Variants in FMN2 observed in about 807,000 individuals in gnomAD.
FMN2 encodes formin 2.
FMN2 carries 51 observed loss-of-function variants against 142.3 expected under a neutral mutation model. The observed-to-expected ratio is 0.36, with a 90% CI of 0.29 to 0.45. FMN2 has a LOEUF of 0.45. Ranked by LOEUF, FMN2 falls within the 20% of genes least tolerant of loss-of-function variation. The pLI is 1.00. For synonymous variants in FMN2, 882 were observed against 869.8 expected (o/e 1.01, Z -0.25); for missense variants, 1,936 against 2,122.8 (o/e 0.91, Z 1.73).
intron 14 of FMN2, among the ~76,000 whole-genome samples, chr1:240,360,812 T>G (rs9725329): frequency 0.26 from 39,904 of 151,942 alleles, 5,684 homozygotes; most frequent in Admixed American, 0.42. Flanking sequence ...TGAGTTCATG[T>G]TCTTCGTAGG....
intron 1 of FMN2, among the ~76,000 whole-genome samples, chr1:240,097,155 G>A (rs1661227383): frequency 6.6e-6 from 1 of 151,820 alleles, no homozygotes; most frequent in African/African-American, 2.4e-5. Flanking sequence ...TTAAACACAT[G>A]GAATAAAAGT....
At chr1:240,312,919 A>C (rs1016880419) in intron 8 of FMN2, among the ~76,000 whole-genome samples, 1 of 152,188 alleles carries the variant, frequency 6.6e-6, no homozygotes, top group Non-Finnish European at 1.5e-5. Flanking sequence ...TGTTTTCCTT[A>C]TATGTCAATG....
intron 14 of FMN2, among the ~76,000 whole-genome samples, chr1:240,358,997 C>T (rs1672375086): frequency 6.6e-6 from 1 of 152,022 alleles, no homozygotes; most frequent in South Asian, 2.1e-4. Flanking sequence ...TGGTGGTGCA[C>T]ACCTGTAATC....
chr1:240,319,901 TCCTG>T (rs1670912503), intron 8 of FMN2, among the ~76,000 whole-genome samples: 1 of 152,170 alleles, frequency 6.6e-6, no homozygotes, highest in South Asian at 2.1e-4. Flanking sequence ...TGAAACATCT[TCCTG>T]CCTATAGCGT....
intron 2 of FMN2, chr1:240,143,743 C>A: frequency 6.5e-7 from 1 of 1,532,572 alleles, no homozygotes; most frequent in Non-Finnish European, 9.0e-7. Context: ...GAGCTCAGTA[C>A]TTCTCCCTGA....
At chr1:240,143,143 ATTGAG>A (rs2103256358) in intron 2 of FMN2, 1 of 1,572,406 alleles carries the variant, frequency 6.4e-7, no homozygotes, top group East Asian at 2.2e-5. Flanking sequence ...TTGGCATGAT[ATTGAG>A]CTAACTGGCG....
rs1572058539 is a variant in FMN2 at position 240,205,939 on chromosome 1, A to C, written c.1987-860A>C. On this transcript the variant is annotated intron_variant, in intron 4 of 17. Coordinates refer to ENST00000319653, the MANE Select transcript of FMN2 (RefSeq NM_020066.5). ...GAGACAGTGTCTCACTCTGTTTCCC[A>C]GGCGGGAGTGCAGTGCAGTGGCCTG... Among the ~76,000 whole-genome samples the C allele has an allele frequency of 2.3e-5, 3 of 130,904 alleles. No homozygotes were observed. The South Asian group carries it at 7.0e-4, about 30-fold the overall frequency. The allele number at this position is 130,904 out of a possible 152,430, so 85.9% of individuals were successfully genotyped here.
At chr1:240,170,322 C>T (rs1323951082) in intron 2 of FMN2, 11 of 1,090,196 alleles carry the variant, frequency 1.0e-5, no homozygotes, top group Admixed American at 5.1e-5. Flanking sequence ...ATGCCTATAC[C>T]CTGAGCAGAG....
chr1:240,330,470 T>C, intron 10 of FMN2, 133 bp from the exon 11 acceptor site: 1 of 840,422 alleles, frequency 1.2e-6, no homozygotes, highest in Non-Finnish European at 1.8e-6. Context: ...ATATACCTAA[T>C]AATTAGGAAT....
At chr1:240,117,221 C>T (rs1170600598) in intron 1 of FMN2, among the ~76,000 whole-genome samples, 2 of 152,146 alleles carry the variant, frequency 1.3e-5, no homozygotes, top group African/African-American at 4.8e-5. Flanking sequence ...TCCATTGTCT[C>T]AGTAAATCAT....
intron 2 of FMN2, among the ~76,000 whole-genome samples, chr1:240,174,466 C>T (rs761524030): frequency 1.8e-4 from 28 of 152,158 alleles, no homozygotes; most frequent in Non-Finnish European, 3.1e-4. Context: ...GTGATCCTTT[C>T]ACTTCAGCCT....
intron 15 of FMN2, among the ~76,000 whole-genome samples, chr1:240,429,668 T>G (rs538696728): frequency 1.2e-4 from 19 of 152,208 alleles, no homozygotes; most frequent in Non-Finnish European, 2.2e-4. Flanking sequence ...TGGAATCATA[T>G]GGCGTGTATA....
At chr1:240,184,085 G>A (rs1665270467) in intron 3 of FMN2, among the ~76,000 whole-genome samples, 1 of 151,960 alleles carries the variant, frequency 6.6e-6, no homozygotes, top group Non-Finnish European at 1.5e-5. Context: ...TAAATACACA[G>A]CTCATCCAAG....
At chr1:240,166,730 C>A (rs1322376526) in intron 2 of FMN2, among the ~76,000 whole-genome samples, 1 of 152,094 alleles carries the variant, frequency 6.6e-6, no homozygotes, top group Non-Finnish European at 1.5e-5. Context: ...ATGCAAGTAA[C>A]ATTGGAATAA....
At chr1:240,157,468 T>TC (rs1347992109) in intron 2 of FMN2, among the ~76,000 whole-genome samples, 1 of 152,226 alleles carries the variant, frequency 6.6e-6, no homozygotes, top group Admixed American at 6.5e-5. Flanking sequence ...TGTTTTCACT[T>TC]TTCAGAAGTA....
At chr1:240,441,779 G>T (rs1455824439) in intron 16 of FMN2, among the ~76,000 whole-genome samples, 1 of 151,522 alleles carries the variant, frequency 6.6e-6, no homozygotes, top group Non-Finnish European at 1.5e-5. Flanking sequence ...TCCCCTCTTT[G>T]TGTCTCCATA....
Position 240,255,307 on chromosome 1 carries a change from G to A in FMN2, c.4066-2638G>A. Among the ~76,000 whole-genome samples the A allele has an allele frequency of 1.3e-5, 2 of 152,102 alleles. 1 individual carries two copies. Among genetic ancestry groups the A allele is most frequent in the Non-Finnish European group, 2.9e-5 (2 of 68,032 alleles). On this transcript the variant is annotated intron_variant, in intron 6 of 17. Transcript: ENST00000319653. ...CTACTCACTATTTCAGTTCTTGTTT[G>A]TGGAGGAGGCGAGTACCAGGTGCCT...
rs952185112 is a variant in FMN2, at chr1:240,355,802, C to G, written c.4766-14C>G. ...ACAGTGTGACACTCTAAATAATGTT[C>G]TGTCTAATTTCAGCCTGTGAAGTTG... On this transcript the variant is annotated splice_polypyrimidine_tract_variant and intron_variant, in intron 13 of 17. Coordinates refer to ENST00000319653, the MANE Select transcript of FMN2 (RefSeq NM_020066.5). The G allele has an allele frequency of 3.2e-6, 5 of 1,585,052 alleles. No homozygotes were observed. Among genetic ancestry groups the G allele is most frequent in the Non-Finnish European group, 4.3e-6 (5 of 1,155,436 alleles).
At chr1:240,395,932 A>T (rs887446572) in intron 15 of FMN2, among the ~76,000 whole-genome samples, 8 of 152,224 alleles carry the variant, frequency 5.3e-5, no homozygotes, top group African/African-American at 1.9e-4. Context: ...ACCAAATGGC[A>T]TCATATACTA....
Sources: allele counts gnomAD v4.1 joint callset (sites outside exome capture counted in the v4.1 genomes callset), GRCh38; gene constraint gnomAD v4.1.1; transcripts MANE v1.5; gene names NCBI Gene and HGNC (gene_info 2026-07-23, HGNC 2026-07-21).